The following SLIT3 variants were observed in gnomAD, a reference collection of about 807,000 sequenced individuals.
The protein encoded by SLIT3 is slit guidance ligand 3.
In SLIT3, 68 loss-of-function variants were observed where a neutral mutation model predicts 184.0. The observed-to-expected ratio is 0.37, with a 90% CI of 0.30 to 0.45. The LOEUF (loss-of-function observed/expected upper bound fraction) is 0.45, where lower values mean the gene tolerates loss of function less well. Among genes scored for constraint, SLIT3 ranks in the 20% least tolerant of loss-of-function variants. The probability of loss-of-function intolerance (pLI) is 1.00; values close to 1 mark genes in which losing one functional copy is unlikely to be tolerated. For synonymous variants in SLIT3, 831 were observed against 828.6 expected (o/e 1.00, Z -0.05); for missense variants, 1,707 against 2,026.0 (o/e 0.84, Z 3.02).
chr5:169,145,221 A>G (rs891823775), intron 4 of SLIT3, among the ~76,000 whole-genome samples: 15 of 152,054 alleles, frequency 9.9e-5, no homozygotes, highest in African/African-American at 3.6e-4. Context: ...GGAGAAACCC[A>G]TTGTTTCTTC....
intron 4 of SLIT3, among the ~76,000 whole-genome samples, chr5:168,897,850 C>T (rs1199333550): frequency 6.6e-6 from 1 of 152,148 alleles, no homozygotes; most frequent in African/African-American, 2.4e-5. Flanking sequence ...GACCCTGCAC[C>T]GAGCTCAGGT....
intron 14 of SLIT3, among the ~76,000 whole-genome samples, chr5:168,766,556 G>GT (rs1755352320): frequency 6.6e-6 from 1 of 152,242 alleles, no homozygotes; most frequent in Admixed American, 6.5e-5. Flanking sequence ...TCTATTATGA[G>GT]TGCAGCCATC....
chr5:169,206,985 G>A (rs1764090210), intron 3 of SLIT3, among the ~76,000 whole-genome samples: 1 of 151,446 alleles, frequency 6.6e-6, no homozygotes, highest in Non-Finnish European at 1.5e-5. Context: ...GGTAAAAGGG[G>A]GAAAGGGGCA....
chr5:169,128,500 C>T (rs888245515), intron 4 of SLIT3, among the ~76,000 whole-genome samples: 1 of 152,104 alleles, frequency 6.6e-6, no homozygotes, highest in Admixed American at 6.5e-5. Flanking sequence ...ACAATCTTGG[C>T]TCACCACAAC....
rs866894355 is a variant in SLIT3 at position 169,244,565 on chromosome 5, T to A, written c.341+140A>T. ...ACATGCATCTAATGTGCCTTAAGTA[T>A]AATAGCAAACATTCTATTTAAACAC... is the stretch of plus-strand genomic sequence containing the variant. On this transcript the variant is annotated intron_variant, in intron 3 of 35. Transcript: ENST00000519560. 7.4e-6 allele frequency: 5 copies of A among 676,274 alleles called. No homozygotes were observed. The Middle Eastern group carries it at 1.1e-3, about 143-fold the overall frequency. 41.9% of individuals were successfully genotyped at this position (676,274 alleles called of 1,614,324 possible).
intron 5 of SLIT3, among the ~76,000 whole-genome samples, chr5:168,877,155 C>T (rs1268564522): frequency 6.6e-6 from 1 of 152,020 alleles, no homozygotes; most frequent in East Asian, 1.9e-4. Flanking sequence ...AGGATAACAT[C>T]CAGTAACAAG....
intron 1 of SLIT3, among the ~76,000 whole-genome samples, chr5:169,258,116 T>C (rs1251731156): frequency 6.6e-6 from 1 of 152,048 alleles, no homozygotes; most frequent in Non-Finnish European, 1.5e-5. Context: ...GCTTAGAAGA[T>C]TTTTACCAAT....
intron 4 of SLIT3, among the ~76,000 whole-genome samples, chr5:169,046,777 A>G (rs1337770346): frequency 6.6e-6 from 1 of 152,160 alleles, no homozygotes; most frequent in Non-Finnish European, 1.5e-5. Flanking sequence ...TGTGTGTAAA[A>G]TTAAAATCAA....
At chr5:169,283,061 C>T (rs576674405) in intron 1 of SLIT3, among the ~76,000 whole-genome samples, 1 of 152,350 alleles carries the variant, frequency 6.6e-6, no homozygotes, top group East Asian at 1.9e-4. Flanking sequence ...ATGATGCTGA[C>T]ATCCTAAGGG....
At chr5:168,947,914 C>T (rs1562021896) in intron 4 of SLIT3, among the ~76,000 whole-genome samples, 1 of 152,060 alleles carries the variant, frequency 6.6e-6, no homozygotes, top group Non-Finnish European at 1.5e-5. Context: ...CCTCAGCCTC[C>T]TGAGAAGCTG....
chr5:168,848,528 C>A (rs1453902065), intron 5 of SLIT3, among the ~76,000 whole-genome samples: 1 of 152,104 alleles, frequency 6.6e-6, no homozygotes, highest in Non-Finnish European at 1.5e-5. Flanking sequence ...TTTACACTCC[C>A]CTGTCTCTGA....
At chr5:169,192,825 A>C (rs1287374262) in intron 4 of SLIT3, among the ~76,000 whole-genome samples, 1 of 152,160 alleles carries the variant, frequency 6.6e-6, no homozygotes, top group Non-Finnish European at 1.5e-5. Flanking sequence ...CATCTACAAT[A>C]CATGAATCAC....
intron 4 of SLIT3, among the ~76,000 whole-genome samples, chr5:169,191,190 A>C (rs1422136211): frequency 6.6e-6 from 1 of 152,180 alleles, no homozygotes; most frequent in Non-Finnish European, 1.5e-5. Flanking sequence ...AAAAGAATCA[A>C]AGCTCACCAA....
chr5:169,256,053 C>G (rs1001987272), intron 1 of SLIT3, among the ~76,000 whole-genome samples: 2 of 152,288 alleles, frequency 1.3e-5, no homozygotes, highest in South Asian at 4.1e-4. Flanking sequence ...GGAGCAACTT[C>G]CAGTCCTGCA....
intron 4 of SLIT3, among the ~76,000 whole-genome samples, chr5:169,138,662 C>T (rs761829217): frequency 2.6e-5 from 4 of 152,286 alleles, no homozygotes; most frequent in East Asian, 1.9e-4. Flanking sequence ...TCTGTCCTGA[C>T]GTCTGGGATA....
chr5:169,012,503 G>C (rs1313572817), intron 4 of SLIT3: 1 of 152,164 alleles, frequency 6.6e-6, no homozygotes, highest in African/African-American at 2.4e-5. Context: ...AAATGTGGAG[G>C]CTCTGCTAAG....
At chr5:168,999,286 G>C (rs1755621772) in intron 4 of SLIT3, among the ~76,000 whole-genome samples, 1 of 152,126 alleles carries the variant, frequency 6.6e-6, no homozygotes, top group Non-Finnish European at 1.5e-5. Flanking sequence ...GTGGGATACA[G>C]TCAGGTTTCA....
chr5:169,092,947 C>G (rs1016942286), intron 4 of SLIT3, among the ~76,000 whole-genome samples: 1 of 152,180 alleles, frequency 6.6e-6, no homozygotes, highest in Admixed American at 6.5e-5. Context: ...CGGCTTATTT[C>G]TAAGTGGATG....
chr5:168,883,115 C>T (rs749876560), intron 5 of SLIT3, 150 bp downstream of exon 5: 35 of 620,390 alleles, frequency 5.6e-5, no homozygotes, highest in Admixed American at 4.9e-4. Context: ...TGGCATCCAA[C>T]GTGTGTTCCC....
Sources: gnomAD v4.1 joint callset for allele counts (sites outside exome capture counted in the v4.1 genomes callset) on GRCh38, gnomAD v4.1.1 for gene constraint, MANE v1.5 for transcripts, NCBI Gene and HGNC (gene_info 2026-07-23, HGNC 2026-07-21) for gene names.